Variants in IQSEC1 observed in about 807,000 individuals in gnomAD.
IQSEC1 encodes IQ motif and SEC7 domain-containing protein 1.
In IQSEC1, 31 loss-of-function variants were observed where a neutral mutation model predicts 91.0. The observed-to-expected ratio is 0.34, with a 90% CI of 0.26 to 0.46. The LOEUF is 0.46. IQSEC1 is among the 20% of genes least tolerant of loss of function. The pLI is 1.00. For missense variants in IQSEC1, 1,388 were observed against 1,575.6 expected (o/e 0.88, Z 2.02); for synonymous variants, 699 against 662.6 (o/e 1.05, Z -0.84).
At chr3:13,261,842 G>C (rs1437584430) in intron 1 of IQSEC1, among the ~76,000 whole-genome samples, 1 of 152,130 alleles carries the variant, frequency 6.6e-6, no homozygotes, top group African/African-American at 2.4e-5. Context: ...CAAGACCCTG[G>C]GTGGCTGCGT....
intron 1 of IQSEC1, among the ~76,000 whole-genome samples, chr3:13,164,699 T>G (rs1003818910): frequency 2.0e-5 from 3 of 152,184 alleles, no homozygotes; most frequent in Non-Finnish European, 4.4e-5. Flanking sequence ...GCACTTGAAC[T>G]TTCACGAAGA....
intron 2 of IQSEC1, among the ~76,000 whole-genome samples, chr3:13,083,717 A>G (rs1453148434): frequency 6.6e-6 from 1 of 152,246 alleles, no homozygotes; most frequent in African/African-American, 2.4e-5. Context: ...AGAGCTGTGG[A>G]GAATAAATGA....
At chr3:12,938,174 C>CA (rs1460866157) in intron 2 of IQSEC1, among the ~76,000 whole-genome samples, 1 of 152,204 alleles carries the variant, frequency 6.6e-6, no homozygotes, top group African/African-American at 2.4e-5. Context: ...AGGAGCCAGG[C>CA]AAAGCGTTGC....
chr3:13,176,016 T>C (rs1273376318), intron 1 of IQSEC1, among the ~76,000 whole-genome samples: 1 of 152,174 alleles, frequency 6.6e-6, no homozygotes. Flanking sequence ...GACGTGACAA[T>C]GGGCGATTTC....
At chr3:13,174,327 A>G (rs1474736595) in intron 1 of IQSEC1, among the ~76,000 whole-genome samples, 1 of 152,178 alleles carries the variant, frequency 6.6e-6, no homozygotes, top group African/African-American at 2.4e-5. Context: ...CCGGGAGTCC[A>G]CATTGGCTGC....
At chr3:13,038,699 G>A (rs1161232407) in intron 1 of IQSEC1, among the ~76,000 whole-genome samples, 2 of 152,090 alleles carry the variant, frequency 1.3e-5, no homozygotes, top group Admixed American at 6.5e-5. Flanking sequence ...TTGAGGGGAT[G>A]GATACCCTCA....
intron 2 of IQSEC1, among the ~76,000 whole-genome samples, chr3:13,097,938 C>T (rs360750): frequency 0.12 from 18,631 of 152,252 alleles, 1,495 homozygotes; most frequent in African/African-American, 0.23. Context: ...GCATGGAAGG[C>T]CCTGGACACT....
intron 3 of IQSEC1, among the ~76,000 whole-genome samples, chr3:12,930,179 G>T (rs193182574): frequency 9.9e-5 from 15 of 152,042 alleles, no homozygotes; most frequent in Admixed American, 5.2e-4. Flanking sequence ...CCAGGAAAGG[G>T]TTCTCTCTCT....
intron 1 of IQSEC1, among the ~76,000 whole-genome samples, chr3:13,273,784 A>G (rs971593551): frequency 5.3e-5 from 8 of 152,112 alleles, no homozygotes; most frequent in Non-Finnish European, 1.0e-4. Flanking sequence ...CCCTTAGATC[A>G]AAGCCAAAGT....
chr3:13,090,223 A>G (rs1705836200), intron 2 of IQSEC1, among the ~76,000 whole-genome samples: 1 of 151,194 alleles, frequency 6.6e-6, no homozygotes, highest in Non-Finnish European at 1.5e-5. Context: ...GTCTCAAAAA[A>G]AATAAAACAA....
rs965691943 is a variant in IQSEC1 at position 13,044,132 on chromosome 3, C to T, written c.23+28860G>A. ...TGCAAAGCCAAAGAACAAAGTCTCC[C>T]ACCTCAGGTGGCATTTTCTCAGTGT... is the stretch of plus-strand genomic sequence containing the variant. On this transcript the variant is annotated intron_variant, in intron 1 of 13. Coordinates refer to ENST00000613206, the MANE Select transcript of IQSEC1 (RefSeq NM_001134382.3). 7.9e-5 allele frequency among the ~76,000 whole-genome samples: 12 copies of T among 152,332 alleles called. 1 individual carries two copies. Among genetic ancestry groups the T allele is most frequent in the Admixed American group, 3.9e-4 (6 of 15,306 alleles).
At chr3:13,184,600 T>A (rs358598) in intron 1 of IQSEC1, among the ~76,000 whole-genome samples, 1 of 152,218 alleles carries the variant, frequency 6.6e-6, no homozygotes, top group East Asian at 1.9e-4. Context: ...CTAACAAGTG[T>A]ACTAGAGCAA....
chr3:12,953,866 G>T (rs1699727363), intron 1 of IQSEC1, among the ~76,000 whole-genome samples: 1 of 152,210 alleles, frequency 6.6e-6, no homozygotes, highest in African/African-American at 2.4e-5. Flanking sequence ...TGCACAGTGG[G>T]GGCAAGGCCG....
chr3:13,124,908 C>A (rs2124901496), intron 2 of IQSEC1, among the ~76,000 whole-genome samples: 1 of 152,296 alleles, frequency 6.6e-6, no homozygotes, highest in South Asian at 2.1e-4. Context: ...TATCCACCCG[C>A]CCTCACCACC....
At chr3:13,234,529 C>T (rs1044260039) in intron 1 of IQSEC1, among the ~76,000 whole-genome samples, 2 of 152,184 alleles carry the variant, frequency 1.3e-5, no homozygotes, top group Non-Finnish European at 2.9e-5. Flanking sequence ...TCTAAGTACC[C>T]CCCTACCCCA....
intron 1 of IQSEC1, among the ~76,000 whole-genome samples, chr3:13,185,964 A>G (rs1456522213): frequency 6.6e-6 from 1 of 152,220 alleles, no homozygotes; most frequent in Non-Finnish European, 1.5e-5. Flanking sequence ...CCCTTCAGAG[A>G]AGACAATGAG....
At chr3:13,068,553 T>A (rs1185790291) in intron 1 of IQSEC1, among the ~76,000 whole-genome samples, 3 of 152,164 alleles carry the variant, frequency 2.0e-5, no homozygotes, top group South Asian at 2.1e-4. Context: ...CCCAGTCTTT[T>A]CTTCATATCT....
chr3:13,230,735 A>C (rs573578948), intron 1 of IQSEC1, among the ~76,000 whole-genome samples: 10 of 152,382 alleles, frequency 6.6e-5, no homozygotes, highest in Non-Finnish European at 1.2e-4. Flanking sequence ...TGGAAGCAAC[A>C]GTTTTGGCAC....
intron 1 of IQSEC1, among the ~76,000 whole-genome samples, chr3:13,031,332 G>T (rs1457761980): frequency 6.6e-6 from 1 of 152,230 alleles, no homozygotes; most frequent in African/African-American, 2.4e-5. Context: ...TGGTAGACAA[G>T]GGCCCCTGCC....
Sources: gnomAD v4.1 joint callset for allele counts (sites outside exome capture counted in the v4.1 genomes callset) on GRCh38, gnomAD v4.1.1 for gene constraint, MANE v1.5 for transcripts, NCBI Gene and HGNC (gene_info 2026-07-23, HGNC 2026-07-21) for gene names.